DIAPH2: variants seen among roughly 807,000 people sequenced by gnomAD.
DIAPH2 encodes the protein protein diaphanous homolog 2.
A neutral mutation model predicts 92.7 loss-of-function variants in DIAPH2; 35 were observed. The observed-to-expected ratio is 0.38, with a 90% CI of 0.29 to 0.50. The LOEUF is 0.50. DIAPH2 is among the 20% of genes least tolerant of loss of function. The probability of loss-of-function intolerance (pLI) is 0.94; values close to 1 mark genes in which losing one functional copy is unlikely to be tolerated. For missense variants in DIAPH2, 701 were observed against 819.5 expected (o/e 0.86, Z 1.77); for synonymous variants, 301 against 280.4 (o/e 1.07, Z -0.73).
At chrX:97,565,319 C>T (rs771511212) in intron 26 of DIAPH2, among the ~76,000 whole-genome samples, 2 of 112,099 alleles carry the variant, frequency 1.8e-5, no homozygotes, top group Non-Finnish European at 3.8e-5. Flanking sequence ...GAATGATTGA[C>T]GCAATATATG....
Position 96,881,592 on chromosome X carries a change from A to C in DIAPH2, c.461A>C (p.Asn154Thr). The C allele has an allele frequency of 8.3e-7, 1 of 1,204,405 alleles. No homozygotes were observed. Among genetic ancestry groups the C allele is most frequent in the Non-Finnish European group, 1.1e-6 (1 of 892,481 alleles). The change falls in exon 5 of 27, where the codon AAC becomes ACC. Residue 154 changes from asparagine (N) to threonine (T), a missense_variant. By Grantham distance (65) the Asn-to-Thr change is moderately conservative. Coordinates refer to ENST00000324765, the MANE Select transcript of DIAPH2 (RefSeq NM_006729.5). ...SATAKSGGLK[N>T]SKHECTLSSQ... ...TTTATTTTATAGGGTGGGCTGAAAAACAGCAAACATGAATGCACCCTGTCT... is the reference window on the plus strand; with the variant it reads ...TTTATTTTATAGGGTGGGCTGAAAACCAGCAAACATGAATGCACCCTGTCT...
At chrX:97,532,631 C>T (rs1237949728) in intron 26 of DIAPH2, among the ~76,000 whole-genome samples, 2 of 112,737 alleles carry the variant, frequency 1.8e-5, no homozygotes, top group Non-Finnish European at 3.7e-5. Flanking sequence ...GTAGAGGCAG[C>T]TTTAACTCTG....
At position 96,958,249 on chromosome X, in the gene DIAPH2, T is replaced by C. The variant is rs188074308; in HGVS notation, c.1935+101T>C. 49 of 920,219 alleles carry C rather than the reference T, an allele frequency of 5.3e-5. No individual in the cohort carries two copies. The African/African-American group carries it at 8.1e-4, about 15-fold the overall frequency. 75.8% of individuals were successfully genotyped at this position (920,219 alleles called of 1,213,427 possible). On this transcript the variant is annotated intron_variant, in intron 16 of 26. Transcript: ENST00000324765. ...TTTGAGAGTATGACTGCTGACTCTT[T>C]CCGTTCCTTTGTGGGTTCATCATTT...
intron 25 of DIAPH2, 97 bp from the exon 26 acceptor site, chrX:97,429,553 G>T: frequency 1.9e-6 from 2 of 1,051,966 alleles, no homozygotes; most frequent in East Asian, 3.3e-5. Context: ...TTTAATTTAG[G>T]GGTATTATGT....
intron 17 of DIAPH2, among the ~76,000 whole-genome samples, chrX:96,969,193 G>A (rs1299222969): frequency 8.9e-6 from 1 of 111,756 alleles, no homozygotes; most frequent in Non-Finnish European, 1.9e-5. Context: ...GCTTAGGATT[G>A]CTTTGGCTAT....
chrX:97,584,750 G>T (rs1053194606), intron 26 of DIAPH2, among the ~76,000 whole-genome samples: 2 of 112,541 alleles, frequency 1.8e-5, no homozygotes, highest in Non-Finnish European at 3.8e-5. Flanking sequence ...GCTAGGATTG[G>T]AATATAACAT....
At position 96,911,124 on chromosome X, in the gene DIAPH2, A is replaced by G. The variant is rs75976341; in HGVS notation, c.588-1204A>G. On this transcript the variant is annotated intron_variant, in intron 5 of 26. Transcript: ENST00000324765. Reference sequence around the variant, plus strand: ...GGCTGGAAAGGTAGATTGAGGCTACATCAGAATGTTGAGCCAAATGATTTA... The same window carrying G: ...GGCTGGAAAGGTAGATTGAGGCTACGTCAGAATGTTGAGCCAAATGATTTA... 8.9e-5 allele frequency among the ~76,000 whole-genome samples: 10 copies of G among 111,797 alleles called. 1 individual carries two copies. The East Asian group carries it at 2.8e-3, about 32-fold the overall frequency.
chrX:97,178,441 C>CTTTTTTTTTTT (rs1569321100), intron 22 of DIAPH2, among the ~76,000 whole-genome samples: 1 of 88,975 alleles, frequency 1.1e-5, no homozygotes, highest in African/African-American at 4.8e-5. Flanking sequence ...GCCTATATTT[C>CTTTTTTTTTTT]TCTTTTTTTT....
rs142709672 is a variant in DIAPH2, at chrX:97,202,671, G to A, written c.2720-45044G>A. On this transcript the variant is annotated intron_variant, in intron 22 of 26. Transcript: ENST00000324765. ...ATATGCACTCAATACAGGAGCAACC[G>A]GACTCATCAAACAAGTTCTCAGAGA... Among the ~76,000 whole-genome samples the A allele has an allele frequency of 1.2e-4, 13 of 111,233 alleles. No individual in the cohort carries two copies. The East Asian group carries it at 1.7e-3, about 15-fold the overall frequency.
chrX:97,492,022 T>C (rs2070728782), intron 26 of DIAPH2, among the ~76,000 whole-genome samples: 1 of 112,392 alleles, frequency 8.9e-6, no homozygotes, highest in African/African-American at 3.2e-5. Context: ...ACTCTGTTAT[T>C]GATGTCATAG....
At chrX:97,410,866 A>G (rs1041674280) in intron 25 of DIAPH2, among the ~76,000 whole-genome samples, 1 of 111,988 alleles carries the variant, frequency 8.9e-6, no homozygotes, top group African/African-American at 3.2e-5. Flanking sequence ...AAAAGAGTAA[A>G]AAGAAATGAA....
At chrX:96,878,560 T>C (rs2065193504) in intron 4 of DIAPH2, among the ~76,000 whole-genome samples, 1 of 112,112 alleles carries the variant, frequency 8.9e-6, no homozygotes, top group South Asian at 3.7e-4. Context: ...TGTCATGCTC[T>C]AGTAGATTGT....
intron 26 of DIAPH2, among the ~76,000 whole-genome samples, chrX:97,566,487 G>C (rs189061468): frequency 1.2e-3 from 138 of 111,922 alleles, no homozygotes; most frequent in African/African-American, 4.3e-3. Flanking sequence ...GAAAGCATTT[G>C]CAGAGAGAAA....
At chrX:97,565,085 A>G (rs955764430) in intron 26 of DIAPH2, among the ~76,000 whole-genome samples, 2 of 111,889 alleles carry the variant, frequency 1.8e-5, no homozygotes, top group Non-Finnish European at 3.8e-5. Flanking sequence ...CTCCACCTGC[A>G]TTTACACAAA....
At chrX:97,151,018 A>G (rs1380017526) in intron 22 of DIAPH2, among the ~76,000 whole-genome samples, 1 of 112,235 alleles carries the variant, frequency 8.9e-6, no homozygotes, top group Non-Finnish European at 1.9e-5. Flanking sequence ...CAAGTAGAAA[A>G]CCATGTCTTC....
chrX:96,805,154 T>TA (rs1354908491), intron 4 of DIAPH2, among the ~76,000 whole-genome samples: 1 of 110,041 alleles, frequency 9.1e-6, no homozygotes, highest in Non-Finnish European at 1.9e-5. Context: ...TAGGACAGAT[T>TA]AAAAAAATGT....
At chrX:96,807,421 CT>C (rs980132815) in intron 4 of DIAPH2, among the ~76,000 whole-genome samples, 3 of 111,851 alleles carry the variant, frequency 2.7e-5, no homozygotes, top group Non-Finnish European at 5.6e-5. Context: ...GAGGTGAAGA[CT>C]TTTGTCAGAT....
intron 23 of DIAPH2, among the ~76,000 whole-genome samples, chrX:97,337,426 A>G (rs1435613185): frequency 9.0e-6 from 1 of 111,125 alleles, no homozygotes; most frequent in Admixed American, 9.6e-5. Context: ...TGCTGTTTTC[A>G]TGATAGTGAG....
intron 4 of DIAPH2, among the ~76,000 whole-genome samples, chrX:96,839,947 A>G: frequency 8.9e-6 from 1 of 112,301 alleles, no homozygotes; most frequent in Middle Eastern, 4.6e-3. Context: ...AAGAAATATA[A>G]TGCAAACCAC....
Sources: allele counts gnomAD v4.1 joint callset (sites outside exome capture counted in the v4.1 genomes callset), GRCh38; gene constraint gnomAD v4.1.1; transcripts MANE v1.5; gene names NCBI Gene and HGNC (gene_info 2026-07-23, HGNC 2026-07-21).